WDR43: variants seen among roughly 807,000 people sequenced by gnomAD.
The protein encoded by WDR43 is WD repeat-containing protein 43.
A neutral mutation model predicts 91.4 loss-of-function variants in WDR43; 13 were observed. That is an observed-to-expected ratio of 0.14 (90% CI 0.09 to 0.23). The LOEUF is 0.23. Among genes scored for constraint, WDR43 ranks in the 10% least tolerant of loss-of-function variants. WDR43 has a pLI of 1.00. For synonymous variants in WDR43, 331 were observed against 287.9 expected (o/e 1.15, Z -1.51); for missense variants, 780 against 809.4 (o/e 0.96, Z 0.44).
rs906744601 is a variant in WDR43 at position 28,895,017 on chromosome 2, C to T, written c.225+94C>T. On this transcript the variant is annotated intron_variant, in intron 1 of 17. Coordinates refer to ENST00000407426, the MANE Select transcript of WDR43 (RefSeq NM_015131.3). ...GCGCGTGGTCCGGCATCGCGCGTGGCTCTCAGCGGCCCGGGCCAGAAGGCT... is the reference window on the plus strand; with the variant it reads ...GCGCGTGGTCCGGCATCGCGCGTGGTTCTCAGCGGCCCGGGCCAGAAGGCT... The T allele has an allele frequency of 3.2e-6, 4 of 1,269,058 alleles. No homozygotes were observed. The African/African-American group carries it at 4.8e-5, about 15-fold the overall frequency. 78.6% of individuals were successfully genotyped at this position (1,269,058 alleles called of 1,614,324 possible).
rs1317178519 is a variant in WDR43 at position 28,894,808 on chromosome 2, A to C, written c.110A>C (p.His37Pro). The change falls in exon 1 of 18, where the codon CAC becomes CCC. Residue 37 changes from histidine to proline, a missense_variant. This residue lies in a region of WDR43 where 175 missense variants were observed against 113.8 expected (regional missense o/e 1.54). Coordinates refer to ENST00000407426, the MANE Select transcript of WDR43 (RefSeq NM_015131.3). ...AYFALASTDG[H>P]LRVWETANNR... ...TTCGCTTTGGCCTCTACCGACGGTC[A>C]CTTACGAGTATGGGAGACGGCCAAC... 1 of 1,611,090 alleles carries C rather than the reference A, an allele frequency of 6.2e-7. No homozygotes were observed. Among genetic ancestry groups the C allele is most frequent in the Non-Finnish European group, 8.5e-7 (1 of 1,178,758 alleles).
At chr2:28,904,901 G>T (rs1253955221) in intron 2 of WDR43, 1 of 152,132 alleles carries the variant, frequency 6.6e-6, no homozygotes, top group Non-Finnish European at 1.5e-5. Flanking sequence ...ATTCCTGCAA[G>T]ATTTTAATAC....
intron 5 of WDR43, among the ~76,000 whole-genome samples, chr2:28,915,780 A>G (rs1309629875): frequency 1.4e-5 from 2 of 142,260 alleles, no homozygotes; most frequent in African/African-American, 2.6e-5. Flanking sequence ...CCCCAGTACT[A>G]TCTTCTATTG....
chr2:28,895,706 GC>G (rs1020050375), intron 1 of WDR43: 5 of 152,226 alleles, frequency 3.3e-5, no homozygotes, highest in Admixed American at 1.3e-4. Flanking sequence ...GTTAGGCAGA[GC>G]TTTTCATTGT....
intron 6 of WDR43, 101 bp downstream of exon 6, chr2:28,918,096 C>CT: frequency 1.0e-6 from 1 of 990,432 alleles, no homozygotes; most frequent in South Asian, 1.6e-5. Context: ...TAGAGAGGAC[C>CT]TGAGGGAGTA....
intron 2 of WDR43, chr2:28,904,876 A>G (rs1670648914): frequency 1.3e-5 from 2 of 152,230 alleles, no homozygotes; most frequent in Admixed American, 1.3e-4. Context: ...GTTTCATTGT[A>G]TACGTATTTA....
rs1652288978 is a variant in WDR43, at chr2:28,948,028, T to A, written c.*1249T>A. Reference sequence around the variant, plus strand: ...AACAAAACCATTATCTTTGAGGGAGTTTTTAATACCAATGACAGAACAGAG... The same window carrying A: ...AACAAAACCATTATCTTTGAGGGAGATTTTAATACCAATGACAGAACAGAG... On this transcript the variant is annotated 3_prime_UTR_variant, in exon 18 of 18. Coordinates refer to ENST00000407426, the MANE Select transcript of WDR43 (RefSeq NM_015131.3). The A allele has an allele frequency of 6.6e-6, 1 of 151,682 alleles. No homozygotes were observed. The highest frequency in any genetic ancestry group is 1.5e-5 in the Non-Finnish European group (1 of 67,958). 9.4% of individuals were successfully genotyped at this position (151,682 alleles called of 1,614,324 possible).
intron 3 of WDR43, among the ~76,000 whole-genome samples, chr2:28,908,485 G>A (rs9677133): frequency 0.67 from 102,533 of 152,004 alleles, 35,201 homozygotes; most frequent in East Asian, 0.85. Flanking sequence ...GGTAGGGCCT[G>A]TGTTACTGTA....
intron 1 of WDR43, among the ~76,000 whole-genome samples, chr2:28,900,630 T>C (rs569387600): frequency 6.6e-6 from 1 of 152,306 alleles, no homozygotes; most frequent in Admixed American, 6.5e-5. Context: ...CATTCAAAGG[T>C]AGCTTTAGAA....
intron 3 of WDR43, 92 bp from the exon 4 acceptor site, chr2:28,912,498 A>G: frequency 1.4e-6 from 2 of 1,477,020 alleles, no homozygotes; most frequent in Non-Finnish European, 1.8e-6. Context: ...GATATTTTTA[A>G]TGATTGTTCA....
chr2:28,938,618 G>T (rs1254757855), intron 14 of WDR43, among the ~76,000 whole-genome samples: 1 of 151,868 alleles, frequency 6.6e-6, no homozygotes, highest in Non-Finnish European at 1.5e-5. Flanking sequence ...TAAGTTTTTA[G>T]TGGACAGTTG....
intron 14 of WDR43, among the ~76,000 whole-genome samples, 156 bp downstream of exon 14, chr2:28,938,150 A>G (rs1671368102): frequency 6.6e-6 from 1 of 152,182 alleles, no homozygotes; most frequent in Non-Finnish European, 1.5e-5. Flanking sequence ...CCCCGGGTGC[A>G]ATGACATGAG....
intron 10 of WDR43, among the ~76,000 whole-genome samples, chr2:28,928,342 T>A (rs1671181447): frequency 6.6e-6 from 1 of 152,214 alleles, no homozygotes; most frequent in South Asian, 2.1e-4. Flanking sequence ...AAGGATAATT[T>A]AGCTGATTTT....
Position 28,931,144 on chromosome 2 carries a change from C to T in WDR43, c.1437+1434C>T, listed in dbSNP as rs139403137. 5.8e-4 allele frequency among the ~76,000 whole-genome samples: 87 copies of T among 149,810 alleles called. 1 individual carries two copies. Among genetic ancestry groups the T allele is most frequent in the African/African-American group, 2.1e-3 (84 of 40,670 alleles). On this transcript the variant is annotated intron_variant, in intron 11 of 17. Transcript: ENST00000407426. ...AGGCTGGAGTGCAGTGGCGCAATCT[C>T]GGCTCACTGCTATCTCTGCCTCCCA...
At chr2:28,943,979 A>T (rs1315260376) in intron 16 of WDR43, among the ~76,000 whole-genome samples, 1 of 152,174 alleles carries the variant, frequency 6.6e-6, no homozygotes, top group Non-Finnish European at 1.5e-5. Context: ...AAGTGATCCC[A>T]AAGTGCTTGT....
At chr2:28,942,501 TTAAAA>T in intron 16 of WDR43, 120 bp downstream of exon 16, 1 of 1,095,344 alleles carries the variant, frequency 9.1e-7, no homozygotes, top group South Asian at 1.5e-5. Flanking sequence ...CCTTCTCTAA[TTAAAA>T]TAGGCAAGTC....
intron 13 of WDR43, among the ~76,000 whole-genome samples, chr2:28,937,540 G>A (rs1175651282): frequency 1.3e-5 from 2 of 151,772 alleles, no homozygotes; most frequent in Admixed American, 6.6e-5. Context: ...TAATGTTAAT[G>A]GAGGACTTTG....
intron 11 of WDR43, chr2:28,930,186 G>T (rs184984856): frequency 2.2e-6 from 1 of 452,836 alleles, no homozygotes; most frequent in Non-Finnish European, 4.6e-6. Context: ...AGGGTTGGGG[G>T]TTATGTTGTA....
At chr2:28,910,929 C>T (rs896675717) in intron 3 of WDR43, among the ~76,000 whole-genome samples, 1 of 151,910 alleles carries the variant, frequency 6.6e-6, no homozygotes, top group African/African-American at 2.4e-5. Flanking sequence ...AACTCCTGGC[C>T]TCAAGTGATG....
Sources: allele counts gnomAD v4.1 joint callset (sites outside exome capture counted in the v4.1 genomes callset), GRCh38; gene constraint gnomAD v4.1.1; regional missense constraint gnomAD v4.1.1; transcripts MANE v1.5; gene names NCBI Gene and HGNC (gene_info 2026-07-23, HGNC 2026-07-21).